The following KSR2 variants were observed in gnomAD, a reference collection of about 807,000 sequenced individuals.
KSR2 encodes kinase suppressor of ras 2.
A neutral mutation model predicts 107.8 loss-of-function variants in KSR2; 25 were observed. The ratio of observed to expected loss-of-function variants is 0.23; its 90% CI spans 0.17 to 0.32. KSR2 has a LOEUF of 0.32. Among genes scored for constraint, KSR2 ranks in the 10% least tolerant of loss-of-function variants. The pLI is 1.00. For missense variants in KSR2, 887 were observed against 1,268.9 expected, an observed-to-expected ratio of 0.70 and a Z score of 4.57; for synonymous variants, 480 against 507.0, an observed-to-expected ratio of 0.95 and a Z score of 0.71.
At chr12:117,528,189 T>A (rs1029466165) in intron 12 of KSR2, among the ~76,000 whole-genome samples, 5 of 152,002 alleles carry the variant, frequency 3.3e-5, no homozygotes, top group African/African-American at 1.2e-4. Flanking sequence ...TGTATGCCGA[T>A]AGTATAATTG....
At chr12:117,943,334 C>T (rs1228512084) in intron 1 of KSR2, among the ~76,000 whole-genome samples, 1 of 151,814 alleles carries the variant, frequency 6.6e-6, no homozygotes, top group Non-Finnish European at 1.5e-5. Context: ...CACTCAAATA[C>T]GTTTAAGAGC....
chr12:117,536,093 A>C (rs1659407377), intron 10 of KSR2, among the ~76,000 whole-genome samples: 1 of 152,094 alleles, frequency 6.6e-6, no homozygotes, highest in South Asian at 2.1e-4. Context: ...TTTTCACCAC[A>C]TGTCCTGAGA....
chr12:117,621,381 G>C (rs1180906479), intron 5 of KSR2, among the ~76,000 whole-genome samples: 1 of 152,186 alleles, frequency 6.6e-6, no homozygotes, highest in African/African-American at 2.4e-5. Flanking sequence ...CAGCAGTAGA[G>C]AAGAAAGATT....
rs776109945 is a variant in KSR2 at position 117,824,836 on chromosome 12, G to A, written c.472+30592C>T. Among the ~76,000 whole-genome samples, 56 of 138,302 alleles carry A rather than the reference G, an allele frequency of 4.0e-4. 1 individual carries two copies. Among genetic ancestry groups the A allele is most frequent in the Non-Finnish European group, 6.2e-4 (41 of 65,700 alleles). The allele number at this position is 138,302 out of a possible 152,430, so 90.7% of individuals were successfully genotyped here. On this transcript the variant is annotated intron_variant, in intron 3 of 19. Coordinates refer to ENST00000339824, the MANE Select transcript of KSR2 (RefSeq NM_173598.6). ...CACGCCACTGCACTTCAGCCTGGGC[G>A]ACAGAGCGAGACTCTATCTCAAAAA...
chr12:117,848,491 T>C (rs1892778235), intron 3 of KSR2, among the ~76,000 whole-genome samples: 1 of 152,242 alleles, frequency 6.6e-6, no homozygotes, highest in Non-Finnish European at 1.5e-5. Flanking sequence ...TTTGAGGTTT[T>C]GCCTCTATTT....
chr12:117,491,427 A>G (rs186138608), intron 14 of KSR2, among the ~76,000 whole-genome samples: 2 of 151,998 alleles, frequency 1.3e-5, no homozygotes, highest in Non-Finnish European at 2.9e-5. Flanking sequence ...TGATGCCCCC[A>G]TCTCGGCCTC....
chr12:117,932,373 C>T (rs1051732810), intron 1 of KSR2, among the ~76,000 whole-genome samples: 15 of 152,170 alleles, frequency 9.9e-5, no homozygotes, highest in Middle Eastern at 3.4e-3. Context: ...ACAAGAAGCA[C>T]AGGCCAGACA....
chr12:117,657,154 A>AGAT (rs1209821419), intron 5 of KSR2, among the ~76,000 whole-genome samples: 1 of 151,848 alleles, frequency 6.6e-6, no homozygotes, highest in East Asian at 1.9e-4. Context: ...ATTGGTTCAG[A>AGAT]GATGAGTACA....
chr12:117,543,949 C>T (rs1046006926), intron 9 of KSR2, among the ~76,000 whole-genome samples: 1 of 152,168 alleles, frequency 6.6e-6, no homozygotes, highest in Non-Finnish European at 1.5e-5. Context: ...GGTGCTCTCC[C>T]TGTGTGTCTC....
rs35351348 is a variant in KSR2 at position 117,732,041 on chromosome 12, T to TAA, written c.986+28968_986+28969dup. 5.3e-3 allele frequency among the ~76,000 whole-genome samples: 779 copies of TAA among 147,522 alleles called. 7 individuals are homozygous for TAA. Among genetic ancestry groups the TAA allele is most frequent in the African/African-American group, 0.016 (640 of 40,252 alleles). ...CCCAAGAATGATCAACAAATACTAT[T>TAA]AAAAAAAAAAGGTGAAATCAAAGCT... On this transcript the variant is annotated intron_variant, in intron 4 of 19. Coordinates refer to ENST00000339824, the MANE Select transcript of KSR2 (RefSeq NM_173598.6).
chr12:117,579,287 G>C (rs1879494285), intron 6 of KSR2, 85 bp from the exon 7 acceptor site: 2 of 925,462 alleles, frequency 2.2e-6, no homozygotes, highest in Admixed American at 3.9e-5. Flanking sequence ...TGAAGAGCAA[G>C]CACATGAACC....
chr12:117,697,047 G>A (rs1258689167), intron 4 of KSR2, among the ~76,000 whole-genome samples: 1 of 152,152 alleles, frequency 6.6e-6, no homozygotes. Flanking sequence ...ATTTCAATGC[G>A]CCTTTAACCA....
chr12:117,856,031 T>C (rs1593309599), intron 2 of KSR2, among the ~76,000 whole-genome samples: 1 of 152,050 alleles, frequency 6.6e-6, no homozygotes, highest in Non-Finnish European at 1.5e-5. Flanking sequence ...TGGGTCCCAC[T>C]CTCTCTCTGC....
intron 3 of KSR2, among the ~76,000 whole-genome samples, chr12:117,845,682 C>T (rs75621208): frequency 0.033 from 4,674 of 143,692 alleles, 205 homozygotes; most frequent in East Asian, 0.1. Context: ...CTTTTTCTTT[C>T]TTTTTTTTTT....
At chr12:117,708,033 G>C (rs1886598559) in intron 4 of KSR2, among the ~76,000 whole-genome samples, 1 of 152,216 alleles carries the variant, frequency 6.6e-6, no homozygotes, top group Non-Finnish European at 1.5e-5. Context: ...TGCCAGCCTT[G>C]TCAGAGCCTT....
intron 1 of KSR2, among the ~76,000 whole-genome samples, chr12:117,904,794 A>G (rs1566075698): frequency 6.6e-6 from 1 of 152,216 alleles, no homozygotes; most frequent in Non-Finnish European, 1.5e-5. Flanking sequence ...AGATGATCTT[A>G]GTGTTTCCAA....
At chr12:117,781,550 T>C (rs188518915) in intron 3 of KSR2, among the ~76,000 whole-genome samples, 13 of 152,302 alleles carry the variant, frequency 8.5e-5, no homozygotes, top group African/African-American at 2.4e-4. Flanking sequence ...TGCAATGTCA[T>C]GGCACCAATG....
intron 1 of KSR2, among the ~76,000 whole-genome samples, chr12:117,900,136 T>C (rs1894638396): frequency 6.6e-6 from 1 of 152,196 alleles, no homozygotes; most frequent in Admixed American, 6.5e-5. Context: ...ATAATAAATG[T>C]GTGTTGTTTT....
Position 117,456,868 on chromosome 12 carries a change from G to C in KSR2, c.*10331C>G, listed in dbSNP as rs1467732553. ...CTATGTTGTTGCTTCATTGCTACCA[G>C]AGACAGCCATTCTAACCCGGCCTGA... On this transcript the variant is annotated 3_prime_UTR_variant, in exon 20 of 20. Transcript: ENST00000339824. The C allele has an allele frequency of 2.0e-5, 3 of 152,254 alleles. No homozygotes were observed. The highest frequency in any genetic ancestry group is 2.9e-5 in the Non-Finnish European group (2 of 68,076). The allele number at this position is 152,254 out of a possible 1,614,324, so 9.4% of individuals were successfully genotyped here. A position where few individuals can be genotyped will look rare whatever the true frequency, so the allele number is the denominator to read the frequency against.
Sources: allele counts gnomAD v4.1 joint callset (sites outside exome capture counted in the v4.1 genomes callset), GRCh38; gene constraint gnomAD v4.1.1; transcripts MANE v1.5; gene names NCBI Gene and HGNC (gene_info 2026-07-23, HGNC 2026-07-21).